Variants in GBP6 observed in about 807,000 individuals in gnomAD.
GBP6 encodes guanylate-binding protein 6.
Under a neutral mutation model 61.5 loss-of-function variants are expected in GBP6, and 54 were observed. That is an observed-to-expected ratio of 0.88 (90% CI 0.71 to 1.10). GBP6 has a LOEUF of 1.10. Among genes scored for constraint, GBP6 ranks in the 50% least tolerant of loss-of-function variants. The pLI is 0.00. For synonymous variants in GBP6, 255 were observed against 273.7 expected (o/e 0.93, Z 0.67); for missense variants, 748 against 752.8 (o/e 0.99, Z 0.07).
In GBP6 at chr1:89,386,782, G is replaced by A. The variant is rs145908791; in HGVS notation, c.*1313G>A. Among the ~76,000 whole-genome samples the A allele has an allele frequency of 3.3e-5, 5 of 152,224 alleles. No homozygotes were observed. Among genetic ancestry groups the A allele is most frequent in the African/African-American group, 7.2e-5 (3 of 41,544 alleles). On this transcript the variant is annotated 3_prime_UTR_variant, in exon 11 of 11. Transcript: ENST00000370456. Reference sequence around the variant, plus strand: ...ACCTTGTCAGTAGTGGTCTTTTTGCGGTAGCCTCAGATAGAAAGGACAATG... The same window carrying A: ...ACCTTGTCAGTAGTGGTCTTTTTGCAGTAGCCTCAGATAGAAAGGACAATG...
intron 6 of GBP6, 80 bp from the exon 7 acceptor site, chr1:89,381,614 G>T: frequency 1.4e-6 from 2 of 1,434,142 alleles, no homozygotes; most frequent in Non-Finnish European, 1.9e-6. Context: ...GTAAGTGCAT[G>T]TGTGTGCTCA....
At chr1:89,370,749 T>G (rs1489870590) in intron 3 of GBP6, among the ~76,000 whole-genome samples, 7 of 152,222 alleles carry the variant, frequency 4.6e-5, no homozygotes, top group Non-Finnish European at 1.0e-4. Context: ...CACTGTGAAA[T>G]GATCACCACA....
Position 89,378,416 on chromosome 1 carries a change from G to C in GBP6, c.429-1G>C, listed in dbSNP as rs1202045520. The C allele has an allele frequency of 6.2e-7, 1 of 1,612,750 alleles. No individual in the cohort carries two copies. Among genetic ancestry groups the C allele is most frequent in the Non-Finnish European group, 8.5e-7 (1 of 1,179,620 alleles). On this transcript the variant is annotated splice_acceptor_variant, in intron 4 of 10. Transcript: ENST00000370456. LOFTEE classifies it high-confidence loss of function. ...GTTGCTTTTCCTTACCTAAGTCCTAGTTATGTGACGGAGCTCACAGAACTA... is the reference window on the plus strand; with the variant it reads ...GTTGCTTTTCCTTACCTAAGTCCTACTTATGTGACGGAGCTCACAGAACTA...
At chr1:89,372,898 T>A (rs1335656665) in intron 3 of GBP6, among the ~76,000 whole-genome samples, 3 of 151,902 alleles carry the variant, frequency 2.0e-5, no homozygotes, top group Non-Finnish European at 4.4e-5. Flanking sequence ...TGGGAGAAAA[T>A]TTTTGCAATT....
intron 6 of GBP6, among the ~76,000 whole-genome samples, chr1:89,380,970 A>C (rs1205390915): frequency 6.6e-6 from 1 of 152,174 alleles, no homozygotes; most frequent in Non-Finnish European, 1.5e-5. Context: ...AAGAGAATAG[A>C]AAAGATATGT....
At chr1:89,373,993 G>A (rs980331336) in intron 3 of GBP6, among the ~76,000 whole-genome samples, 4 of 151,974 alleles carry the variant, frequency 2.6e-5, no homozygotes, top group African/African-American at 4.8e-5. Flanking sequence ...TGCTATTCTC[G>A]TGATAGTGAG....
rs768956551 is a variant in GBP6 at position 89,381,843 on chromosome 1, C to A, written c.1021C>A (p.Arg341=). ...ADYYSQQMAQ[R]VKLPTDTLQE... ...CTACTACAGCCAGCAGATGGCCCAG[C>A]GAGTGAAGCTCCCCACAGACACGCT... Residue 341 remains arginine, a synonymous_variant, in exon 7 of 11, where the codon CGA becomes AGA. Coordinates refer to ENST00000370456, the MANE Select transcript of GBP6 (RefSeq NM_198460.3). 2.5e-6 allele frequency: 4 copies of A among 1,614,052 alleles called. No homozygotes were observed. The highest frequency in any genetic ancestry group is 3.4e-6 in the Non-Finnish European group (4 of 1,179,964).
rs369535516 is a variant in GBP6, at chr1:89,384,279, C to G, written c.1655C>G (p.Thr552Arg). Reference protein sequence around the residue: ...LREQIMMLEHTQKVQNDWLHE... With the variant: ...LREQIMMLEHRQKVQNDWLHE... ...GAGCAGATTATGATGTTGGAGCACA[C>G]GCAGAAGGTAAGTCTGCCCTTGGCC... The change falls in exon 10 of 11, where the codon ACG becomes AGG. Residue 552 changes from threonine (T) to arginine (R), a missense_variant. By Grantham distance (71) the Thr-to-Arg change is moderately conservative. Transcript: ENST00000370456. 4.3e-6 allele frequency: 7 copies of G among 1,609,968 alleles called. 1 individual carries two copies. In the South Asian group the frequency reaches 7.7e-5, roughly 18 times the overall value.
intron 3 of GBP6, among the ~76,000 whole-genome samples, chr1:89,375,490 A>G (rs1049621296): frequency 1.3e-5 from 2 of 152,222 alleles, no homozygotes; most frequent in African/African-American, 4.8e-5. Flanking sequence ...CATTCAACCT[A>G]GCAATCCCAT....
Position 89,378,152 on chromosome 1 carries a change from G to C in GBP6, c.368G>C (p.Cys123Ser), listed in dbSNP as rs1472982499. ...ATCTTTGCCCTGGCTGTGCTCCTGT[G>C]CAGCACCTTTGTCTACAACAGCATG... ...SWIFALAVLLCSTFVYNSMST... is the reference protein window; with the variant it reads ...SWIFALAVLLSSTFVYNSMST... The change falls in exon 4 of 11, where the codon TGC (cysteine) becomes TCC (serine). Residue 123 changes from cysteine to serine, a missense_variant. Cys to Ser is a moderately radical substitution (Grantham distance 112, BLOSUM62 -1). Transcript: ENST00000370456. 1 of 1,612,986 alleles carries C rather than the reference G, an allele frequency of 6.2e-7. No homozygotes were observed. The highest frequency in any genetic ancestry group is 1.1e-5 in the South Asian group (1 of 90,878).
intron 3 of GBP6, among the ~76,000 whole-genome samples, chr1:89,377,847 T>C (rs2100667775): frequency 6.6e-6 from 1 of 152,350 alleles, no homozygotes; most frequent in East Asian, 1.9e-4. Context: ...GATATTGTAC[T>C]AGTTTTTCCA....
At chr1:89,367,857 A>C (rs1652507474) in intron 1 of GBP6, among the ~76,000 whole-genome samples, 1 of 152,006 alleles carries the variant, frequency 6.6e-6, no homozygotes, top group South Asian at 2.1e-4. Flanking sequence ...GAAGTGAAAA[A>C]CCACCTCCTC....
intron 3 of GBP6, among the ~76,000 whole-genome samples, chr1:89,370,177 C>T (rs1240390514): frequency 6.6e-6 from 1 of 152,126 alleles, no homozygotes; most frequent in East Asian, 1.9e-4. Context: ...GGAAGTCTGC[C>T]CTGGAAAACT....
chr1:89,385,562 C>A lies in GBP6; in HGVS notation c.*93C>A. ...GCAAGTTTTTTTTTTTTTTCAGAGT[C>A]TTACTCTGTTGCCCAGGCTGGAGTA... On this transcript the variant is annotated 3_prime_UTR_variant, in exon 11 of 11. Coordinates refer to ENST00000370456, the MANE Select transcript of GBP6 (RefSeq NM_198460.3). 1.8e-6 allele frequency: 2 copies of A among 1,140,140 alleles called. No homozygotes were observed. The highest frequency in any genetic ancestry group is 2.4e-6 in the Non-Finnish European group (2 of 830,698). 70.6% of individuals were successfully genotyped at this position (1,140,140 alleles called of 1,614,324 possible).
Position 89,378,568 on chromosome 1 carries a change from A to G in GBP6, c.580A>G (p.Ile194Val). Residue 194 changes from isoleucine (I) to valine (V), a missense_variant, in exon 5 of 11, where the codon ATC becomes GTC. Ile to Val is a conservative substitution (Grantham distance 29). Transcript: ENST00000370456. ...GGAGCTGAAGTTGAACGGTCACCCT[A>G]TCACAGAAGATGAATACCTGGAGAA... is the stretch of plus-strand genomic sequence containing the variant. ...TLELKLNGHP[I>V]TEDEYLENAL... The G allele has an allele frequency of 4.3e-6, 7 of 1,613,904 alleles. No individual in the cohort carries two copies. The Middle Eastern group carries it at 6.6e-4, about 152-fold the overall frequency.
At chr1:89,382,055 C>T in intron 7 of GBP6, 81 bp downstream of exon 7, 1 of 1,337,048 alleles carries the variant, frequency 7.5e-7, no homozygotes, top group Non-Finnish European at 1.0e-6. Flanking sequence ...GTCACCAATG[C>T]TCATCTGTCA....
chr1:89,369,504 G>T (rs771914181), intron 2 of GBP6, 42 bp from the exon 3 acceptor site: 16 of 1,593,806 alleles, frequency 1.0e-5, no homozygotes, highest in Non-Finnish European at 1.4e-5. Flanking sequence ...CGGCTTGGCT[G>T]CTCTGCTGTC....
rs1342903653 is a variant in GBP6 at position 89,381,651 on chromosome 1, C to T, written c.872-43C>T. 16 of 1,559,424 alleles carry T rather than the reference C, an allele frequency of 1.0e-5. No individual in the cohort carries two copies. The South Asian group carries it at 1.3e-4, about 13-fold the overall frequency. On this transcript the variant is annotated intron_variant, in intron 6 of 10. Coordinates refer to ENST00000370456, the MANE Select transcript of GBP6 (RefSeq NM_198460.3). Reference sequence around the variant, plus strand: ...AAATGTAGCCTAGGATCCCACTGAGCTTTAATTTCATATTTAGCCCCTAAA... The same window carrying T: ...AAATGTAGCCTAGGATCCCACTGAGTTTTAATTTCATATTTAGCCCCTAAA...
intron 1 of GBP6, among the ~76,000 whole-genome samples, chr1:89,366,494 G>A (rs1652470802): frequency 6.6e-6 from 1 of 151,966 alleles, no homozygotes; most frequent in Admixed American, 6.6e-5. Context: ...AACATATAAG[G>A]TCACACTGAT....
Sources: allele counts gnomAD v4.1 joint callset (sites outside exome capture counted in the v4.1 genomes callset), GRCh38; gene constraint gnomAD v4.1.1; transcripts MANE v1.5; gene names NCBI Gene and HGNC (gene_info 2026-07-23, HGNC 2026-07-21).